The following EXPH5 variants were observed in gnomAD, a reference collection of about 807,000 sequenced individuals.
The protein encoded by EXPH5 is exophilin 5, also known as exophilin-5.
A neutral mutation model predicts 41.1 loss-of-function variants in EXPH5; 42 were observed. That is an observed-to-expected ratio of 1.02 (90% CI 0.80 to 1.32). The LOEUF (loss-of-function observed/expected upper bound fraction) is 1.32, where lower values mean the gene tolerates loss of function less well. EXPH5 is among the 40% of genes most tolerant of loss of function. The pLI is 0.00. For synonymous variants in EXPH5, 798 were observed against 833.5 expected (o/e 0.96, Z 0.73); for missense variants, 2,298 against 2,314.5 (o/e 0.99, Z 0.15).
intron 1 of EXPH5, among the ~76,000 whole-genome samples, chr11:108,592,135 T>C (rs1451967253): frequency 6.6e-6 from 1 of 152,102 alleles, no homozygotes; most frequent in Non-Finnish European, 1.5e-5. Flanking sequence ...TGTGGCATAC[T>C]GTTCTCCTGA....
intron 1 of EXPH5, among the ~76,000 whole-genome samples, chr11:108,590,869 T>C (rs983515361): frequency 6.6e-6 from 1 of 152,196 alleles, no homozygotes; most frequent in Non-Finnish European, 1.5e-5. Context: ...GTCAGGCTGG[T>C]CTCAAACTCT....
intron 1 of EXPH5, among the ~76,000 whole-genome samples, chr11:108,549,833 A>C (rs1261412045): frequency 2.7e-5 from 4 of 150,450 alleles, no homozygotes; most frequent in African/African-American, 9.8e-5. Context: ...TTTGCAAAGA[A>C]TTCCTCCACA....
intron 1 of EXPH5, among the ~76,000 whole-genome samples, chr11:108,562,788 T>C (rs1004448952): frequency 9.9e-5 from 15 of 152,002 alleles, no homozygotes; most frequent in African/African-American, 3.4e-4. Flanking sequence ...CATGGTGAGA[T>C]CCTGTCTCCA....
rs1234353876 is a variant in EXPH5, at chr11:108,573,180, GAAAGAAAGAAAGAAAGAA to G, written c.119+20220_119+20237del. ...AGAAAGAAAGAAAGAAAGAAAGAAA[GAAAGAAAGAAAGAAAGAA>G]AAAGAAAGAAAGAAAGAAAGAAAGG... On this transcript the variant is annotated intron_variant, in intron 1 of 5. Transcript: ENST00000265843. Among the ~76,000 whole-genome samples the G allele has an allele frequency of 8.1e-3, 1,168 of 144,494 alleles. 29 individuals are homozygous for G. The highest frequency in any genetic ancestry group is 0.03 in the African/African-American group (1,088 of 36,354). 94.8% of individuals were successfully genotyped at this position (144,494 alleles called of 152,430 possible).
In EXPH5 at chr11:108,592,098, T is replaced by C. The variant is rs116550934; in HGVS notation, c.119+1320A>G. Among the ~76,000 whole-genome samples, 642 of 152,306 alleles carry C rather than the reference T, an allele frequency of 4.2e-3. 3 individuals are homozygous for C. Among genetic ancestry groups the C allele is most frequent in the African/African-American group, 0.015 (626 of 41,574 alleles). ...TGCGGTGCATGTGCATATGTGTAGGTACATTATGCACGTGGGTGTGTGTGG... is the reference window on the plus strand; with the variant it reads ...TGCGGTGCATGTGCATATGTGTAGGCACATTATGCACGTGGGTGTGTGTGG... On this transcript the variant is annotated intron_variant, in intron 1 of 5. Transcript: ENST00000265843.
intron 1 of EXPH5, among the ~76,000 whole-genome samples, chr11:108,580,300 A>T (rs970653002): frequency 6.6e-5 from 10 of 152,232 alleles, no homozygotes; most frequent in Non-Finnish European, 1.3e-4. Flanking sequence ...TACATGAAAA[A>T]GATGCTCAAC....
Position 108,518,372 on chromosome 11 carries a change from T to A in EXPH5, c.494A>T (p.Gln165Leu). ...PPMPVRGAAV[Q>L]AKIYNSPLEN... ...CAGAGGTGAATTGTATATTTTTGCC[T>A]GCTAATTTTAAAGCAGAGAACACAA... is the stretch of plus-strand genomic sequence containing the variant. The change falls in exon 5 of 6, where the codon CAG becomes CTG. Residue 165 changes from glutamine to leucine, a missense_variant and splice_region_variant. Physicochemically the swap from Gln to Leu is moderately radical, Grantham distance 113. Transcript: ENST00000265843. 6.2e-7 allele frequency: 1 copy of A among 1,613,272 alleles called. No individual in the cohort carries two copies.
At chr11:108,538,197 A>G in intron 3 of EXPH5, 1 of 985,462 alleles carries the variant, frequency 1.0e-6, no homozygotes. Context: ...GACCTCCAAC[A>G]CCTTTTATTT....
intron 1 of EXPH5, among the ~76,000 whole-genome samples, chr11:108,570,722 T>C (rs1207505112): frequency 6.6e-6 from 1 of 152,174 alleles, no homozygotes; most frequent in Non-Finnish European, 1.5e-5. Flanking sequence ...TTTTAAATTA[T>C]TCTGCAGAGA....
chr11:108,561,577 C>T (rs1329825319), intron 1 of EXPH5, among the ~76,000 whole-genome samples: 2 of 152,138 alleles, frequency 1.3e-5, no homozygotes, highest in East Asian at 1.9e-4. Context: ...CTGTGCTTTG[C>T]CTCGTGGGAT....
upstream of EXPH5, among the ~76,000 whole-genome samples, chr11:108,596,958 C>T (rs2640741): frequency 1 from 151,999 of 152,344 alleles, 75,828 homozygotes; most frequent in Middle Eastern, 1. Context: ...TCTTAGTATC[C>T]GGTAATCCTG....
At chr11:108,525,053 C>A (rs1398739756) in intron 4 of EXPH5, among the ~76,000 whole-genome samples, 2 of 152,198 alleles carry the variant, frequency 1.3e-5, no homozygotes, top group African/African-American at 4.8e-5. Context: ...CTCATGAGAT[C>A]TGATGGTTTT....
chr11:108,538,981 T>A (rs368584781), intron 3 of EXPH5, 43 bp downstream of exon 3: 14 of 1,482,258 alleles, frequency 9.4e-6, no homozygotes, highest in Non-Finnish European at 1.1e-5. Context: ...GCCTCTGATA[T>A]CGGATAACAA....
chr11:108,554,576 G>T (rs2093982141), intron 1 of EXPH5, among the ~76,000 whole-genome samples: 1 of 152,096 alleles, frequency 6.6e-6, no homozygotes, highest in Non-Finnish European at 1.5e-5. Context: ...AATGGGGTTG[G>T]GGGTGGGAAT....
At chr11:108,570,743 G>A (rs12796251) in intron 1 of EXPH5, among the ~76,000 whole-genome samples, 22,839 of 152,044 alleles carry the variant, frequency 0.15, 1,850 homozygotes, top group Middle Eastern at 0.2. Flanking sequence ...TGGGGGTCTC[G>A]CTACGTTGTT....
chr11:108,548,238 C>CT (rs897434040), intron 1 of EXPH5, among the ~76,000 whole-genome samples: 30 of 106,702 alleles, frequency 2.8e-4, no homozygotes, highest in African/African-American at 7.5e-4. Flanking sequence ...ACTTTTTTTT[C>CT]TTTTTTTTGT....
intron 1 of EXPH5, among the ~76,000 whole-genome samples, chr11:108,551,561 T>C (rs2093965156): frequency 6.6e-6 from 1 of 152,186 alleles, no homozygotes; most frequent in African/African-American, 2.4e-5. Flanking sequence ...CCCTTGCTTC[T>C]GTATACACAT....
At chr11:108,529,599 C>T (rs891981844) in intron 3 of EXPH5, among the ~76,000 whole-genome samples, 1 of 152,136 alleles carries the variant, frequency 6.6e-6, no homozygotes, top group Admixed American at 6.5e-5. Context: ...AATCCCAGCA[C>T]TTTGGGAGGC....
chr11:108,529,592 C>G (rs1334520334), intron 3 of EXPH5, among the ~76,000 whole-genome samples: 1 of 152,162 alleles, frequency 6.6e-6, no homozygotes, highest in Non-Finnish European at 1.5e-5. Flanking sequence ...TGCCTATAAT[C>G]CCAGCACTTT....
Sources: gnomAD v4.1 joint callset for allele counts (sites outside exome capture counted in the v4.1 genomes callset) on GRCh38, gnomAD v4.1.1 for gene constraint, MANE v1.5 for transcripts, NCBI Gene and HGNC (gene_info 2026-07-23, HGNC 2026-07-21) for gene names.